SERPINB8: variants seen among roughly 807,000 people sequenced by gnomAD.
The protein encoded by SERPINB8 is serpin family B member 8.
In SERPINB8, 25 loss-of-function variants were observed where a neutral mutation model predicts 35.3. That is an observed-to-expected ratio of 0.71 (90% CI 0.52 to 0.99). The LOEUF (loss-of-function observed/expected upper bound fraction) is 0.99, where lower values mean the gene tolerates loss of function less well. SERPINB8 is among the 50% of genes least tolerant of loss of function. The pLI is 0.00. For missense variants in SERPINB8, 484 were observed against 446.5 expected (o/e 1.08, Z -0.76); for synonymous variants, 186 against 160.8 (o/e 1.16, Z -1.19).
intron 7 of SERPINB8, among the ~76,000 whole-genome samples, chr18:64,017,235 T>C (rs2050954795): frequency 6.6e-6 from 1 of 152,190 alleles, no homozygotes; most frequent in Admixed American, 6.5e-5. Context: ...CTTGACTTGG[T>C]TACAAATAGA....
intron 1 of SERPINB8, among the ~76,000 whole-genome samples, chr18:64,004,164 G>A (rs991364236): frequency 1.3e-5 from 2 of 152,168 alleles, no homozygotes; most frequent in African/African-American, 2.4e-5. Flanking sequence ...TTTGGAGACC[G>A]GAAGACAATA....
At chr18:64,005,414 G>A (rs1156449958) in exon 2 of SERPINB8, 1 of 93,604 alleles carries the variant, frequency 1.1e-5, no homozygotes, top group Admixed American at 1.3e-4. Context: ...CAATGTATCA[G>A]TATTAAGAGG....
downstream of SERPINB8, among the ~76,000 whole-genome samples, chr18:64,008,523 G>A (rs10871804): frequency 0.59 from 89,469 of 151,254 alleles, 26,727 homozygotes; most frequent in South Asian, 0.69. Flanking sequence ...TGCTAGGATT[G>A]CAGATGTGAG....
chr18:63,986,479 C>T (rs2050756152), intron 6 of SERPINB8: 3 of 1,374,358 alleles, frequency 2.2e-6, no homozygotes, highest in African/African-American at 1.5e-5. Context: ...AAGCAGAGTT[C>T]TGAGCCATGC....
chr18:63,987,598 C>CTATGTGCCA lies in SERPINB8; in HGVS notation c.*321_*322insATGTGCCAT. ...TCTCAGGGCTTCAGGAGCCAGCCCT[C>CTATGTGCCA]TTCCATCCGCCCGGCTCTGCCCACC... On this transcript the variant is annotated 3_prime_UTR_variant, in exon 7 of 7. Coordinates refer to ENST00000397985, the MANE Select transcript of SERPINB8 (RefSeq NM_002640.4). 3.7e-6 allele frequency: 1 copy of CTATGTGCCA among 272,584 alleles called. No homozygotes were observed. The highest frequency in any genetic ancestry group is 6.9e-6 in the Non-Finnish European group (1 of 144,134). 16.9% of individuals were successfully genotyped at this position (272,584 alleles called of 1,614,324 possible). A position where few individuals can be genotyped will look rare whatever the true frequency, so the allele number is the denominator to read the frequency against.
At chr18:64,003,049 C>T (rs2050883655) in intron 1 of SERPINB8, among the ~76,000 whole-genome samples, 1 of 152,228 alleles carries the variant, frequency 6.6e-6, no homozygotes. Context: ...CTCGCATTCT[C>T]TTCTCAGGCA....
intron 7 of SERPINB8, among the ~76,000 whole-genome samples, chr18:64,016,677 G>A (rs1343343950): frequency 6.6e-6 from 1 of 152,112 alleles, no homozygotes; most frequent in Non-Finnish European, 1.5e-5. Context: ...ACTAAGCACA[G>A]GTCCTTAAAC....
At chr18:63,989,942 C>CAAA (rs1161052778), downstream of SERPINB8, among the ~76,000 whole-genome samples, 10 of 27,856 alleles carry the variant, frequency 3.6e-4, no homozygotes, top group South Asian at 2.3e-3. Context: ...GACTCTGTCT[C>CAAA]AAAAAAAAAA....
chr18:63,975,076 T>C (rs977419871), intron 1 of SERPINB8, among the ~76,000 whole-genome samples: 2 of 151,494 alleles, frequency 1.3e-5, no homozygotes, highest in Non-Finnish European at 2.9e-5. Context: ...TTGAAACTAT[T>C]GATTCAATAG....
downstream of SERPINB8, among the ~76,000 whole-genome samples, chr18:63,994,065 C>T (rs2050837109): frequency 6.6e-6 from 1 of 152,094 alleles, no homozygotes; most frequent in Admixed American, 6.5e-5. Context: ...TCCCATCCCT[C>T]CTGTCCCTCC....
Position 63,976,048 on chromosome 18 carries a change from C to G in SERPINB8, c.-10-2251C>G, listed in dbSNP as rs780744984. On this transcript the variant is annotated intron_variant, in intron 1 of 6. Coordinates refer to ENST00000397985, the MANE Select transcript of SERPINB8 (RefSeq NM_002640.4). ...AATTTATATCTCTAGATAGAGTTTC[C>G]AGGACTTTTCATTTTGCTCATTTGC... 3.9e-5 allele frequency among the ~76,000 whole-genome samples: 6 copies of G among 152,206 alleles called. 1 individual carries two copies. The highest frequency in any genetic ancestry group is 4.1e-4 in the South Asian group (2 of 4,824).
At chr18:63,982,144 G>A (rs938219139) in intron 4 of SERPINB8, among the ~76,000 whole-genome samples, 20 of 152,078 alleles carry the variant, frequency 1.3e-4, no homozygotes, top group African/African-American at 2.7e-4. Flanking sequence ...TTCCATGCTC[G>A]GAGACAGAAT....
Position 63,979,822 on chromosome 18 carries a change from G to C in SERPINB8, c.190G>C (p.Gly64Arg), listed in dbSNP as rs868074431. 15 of 1,613,942 alleles carry C rather than the reference G, an allele frequency of 9.3e-6. No individual in the cohort carries two copies. The highest frequency in any genetic ancestry group is 3.3e-5 in the Admixed American group (2 of 59,992). ...CCAGGCACTTTGTTTATACAAAGACGGAGATATTCACCGAGGTTTCCAGTC... is the reference window on the plus strand; with the variant it reads ...CCAGGCACTTTGTTTATACAAAGACCGAGATATTCACCGAGGTTTCCAGTC... The part of the protein sequence containing the change: ...MSQALCLYKD[G>R]DIHRGFQSLL... The change falls in exon 3 of 7, where the codon GGA becomes CGA. Residue 64 changes from glycine to arginine, a missense_variant. Transcript: ENST00000397985.
At chr18:63,975,661 T>A (rs527779338) in intron 1 of SERPINB8, among the ~76,000 whole-genome samples, 2 of 152,350 alleles carry the variant, frequency 1.3e-5, no homozygotes, top group African/African-American at 4.8e-5. Flanking sequence ...TTTGCACTGC[T>A]TTAGACTGTT....
At chr18:64,008,816 T>C (rs1357822125), downstream of SERPINB8, among the ~76,000 whole-genome samples, 1 of 152,188 alleles carries the variant, frequency 6.6e-6, no homozygotes, top group African/African-American at 2.4e-5. Flanking sequence ...GGTCAGATTC[T>C]GGGGTTCAAA....
intron 1 of SERPINB8, among the ~76,000 whole-genome samples, chr18:63,971,669 G>A (rs916990796): frequency 6.6e-6 from 1 of 152,170 alleles, no homozygotes; most frequent in Non-Finnish European, 1.5e-5. Flanking sequence ...TGGCCTACGC[G>A]CCAGCTCCCC....
chr18:63,978,210 C>A, intron 1 of SERPINB8, 89 bp from the exon 2 acceptor site: 1 of 1,422,750 alleles, frequency 7.0e-7, no homozygotes, highest in Non-Finnish European at 9.9e-7. Flanking sequence ...CACCTACCAC[C>A]TCAGCGTCCA....
At chr18:63,976,345 CTTA>C (rs1174417567) in intron 1 of SERPINB8, among the ~76,000 whole-genome samples, 2 of 152,116 alleles carry the variant, frequency 1.3e-5, no homozygotes, top group African/African-American at 4.8e-5. Flanking sequence ...CAATGTAGGA[CTTA>C]TAATAATGCA....
chr18:63,979,932 C>T lies in SERPINB8; in HGVS notation c.300C>T (p.Phe100=). Residue 100 remains phenylalanine, a synonymous_variant, in exon 3 of 7, where the codon TTC becomes TTT. Transcript: ENST00000397985. ...TCTTTGGAGAAAAGACGTGTGATTT[C>T]CTTCCAGTAAGTAGTATTCACATAT... ...NRLFGEKTCD[F]LPDFKEYCQK... is the part of the protein sequence containing the mutation. The T allele has an allele frequency of 6.2e-7, 1 of 1,613,956 alleles. No individual in the cohort carries two copies. Among genetic ancestry groups the T allele is most frequent in the Non-Finnish European group, 8.5e-7 (1 of 1,179,902 alleles).
Sources: allele counts gnomAD v4.1 joint callset (sites outside exome capture counted in the v4.1 genomes callset), GRCh38; gene constraint gnomAD v4.1.1; transcripts MANE v1.5; gene names NCBI Gene and HGNC (gene_info 2026-07-23, HGNC 2026-07-21).